Variants in NPAS3 observed in about 807,000 individuals in gnomAD.
The protein encoded by NPAS3 is neuronal PAS domain protein 3, also known as neuronal PAS domain-containing protein 3.
Under a neutral mutation model 73.1 loss-of-function variants are expected in NPAS3, and 14 were observed. The ratio of observed to expected loss-of-function variants is 0.19; its 90% confidence interval spans 0.13 to 0.30. The LOEUF (loss-of-function observed/expected upper bound fraction) is 0.30, where lower values mean the gene tolerates loss of function less well. NPAS3 is among the 10% of genes least tolerant of loss of function. The pLI is 1.00. For synonymous variants in NPAS3, 620 were observed against 541.5 expected (o/e 1.14, Z -2.01); for missense variants, 1,096 against 1,250.0 (o/e 0.88, Z 1.86).
At chr14:33,176,030 T>C (rs189024407) in intron 2 of NPAS3, among the ~76,000 whole-genome samples, 1 of 152,316 alleles carries the variant, frequency 6.6e-6, no homozygotes, top group Admixed American at 6.5e-5. Context: ...CATTCAATTT[T>C]ATTACATACC....
intron 6 of NPAS3, among the ~76,000 whole-genome samples, chr14:33,724,318 A>G (rs2061202275): frequency 6.6e-6 from 1 of 152,194 alleles, no homozygotes; most frequent in Non-Finnish European, 1.5e-5. Context: ...GTATTCAAAC[A>G]TAATCCATCC....
intron 3 of NPAS3, among the ~76,000 whole-genome samples, chr14:33,278,329 A>G (rs2041430991): frequency 6.6e-6 from 1 of 152,148 alleles, no homozygotes; most frequent in Non-Finnish European, 1.5e-5. Context: ...TGGCATTTAC[A>G]GTCAGAAGGC....
intron 2 of NPAS3, among the ~76,000 whole-genome samples, chr14:33,155,908 T>A (rs1007539013): frequency 6.6e-6 from 1 of 152,226 alleles, no homozygotes; most frequent in Non-Finnish European, 1.5e-5. Context: ...GAGACTACTC[T>A]CTCTTCAGAT....
chr14:33,240,505 C>T (rs189865991), intron 3 of NPAS3, among the ~76,000 whole-genome samples: 102 of 151,746 alleles, frequency 6.7e-4, no homozygotes, highest in Admixed American at 1.1e-3. Context: ...TGTCTGTGAA[C>T]GTTTAATTCA....
At chr14:33,295,739 G>T (rs1379616702) in intron 3 of NPAS3, among the ~76,000 whole-genome samples, 1 of 152,166 alleles carries the variant, frequency 6.6e-6, no homozygotes, top group Non-Finnish European at 1.5e-5. Context: ...AGTCCATAAG[G>T]AGTTATATCG....
chr14:33,726,482 G>A (rs1299469469), intron 6 of NPAS3, among the ~76,000 whole-genome samples: 3 of 152,104 alleles, frequency 2.0e-5, no homozygotes, highest in African/African-American at 7.2e-5. Context: ...TCATGAGCAC[G>A]GAGATGGGCG....
rs201719983 is a variant in NPAS3 at position 33,799,933 on chromosome 14, G to A, written c.1626G>A (p.Ala542=). The change falls in exon 12 of 12, where the codon GCG becomes GCA. Residue 542 remains alanine, a synonymous_variant. Transcript: ENST00000356141. ...ACTCGGACTTTGAGAACCCCAAGGC[G>A]GGCGAGGACGGCTTCGGTGCTCTGG... The A allele has an allele frequency of 1.7e-5, 27 of 1,614,118 alleles. No homozygotes were observed. The East Asian group carries it at 5.6e-4, about 33-fold the overall frequency.
At chr14:33,010,168 T>C (rs546126856) in intron 1 of NPAS3, among the ~76,000 whole-genome samples, 57 of 152,360 alleles carry the variant, frequency 3.7e-4, no homozygotes, top group African/African-American at 1.3e-3. Flanking sequence ...ACATTTATTC[T>C]ACTGGCTACA....
upstream of NPAS3, among the ~76,000 whole-genome samples, chr14:32,938,768 G>A (rs2035816198): frequency 6.7e-6 from 1 of 149,352 alleles, no homozygotes; most frequent in African/African-American, 2.4e-5. Flanking sequence ...GGCGGCGCGG[G>A]GGTGAGAACC....
chr14:33,436,178 A>G (rs1341763598), intron 4 of NPAS3, among the ~76,000 whole-genome samples: 1 of 152,192 alleles, frequency 6.6e-6, no homozygotes, highest in Non-Finnish European at 1.5e-5. Context: ...GGTGATTTCG[A>G]GAGGTGACTC....
chr14:33,443,236 A>C (rs1182104772), intron 4 of NPAS3, among the ~76,000 whole-genome samples: 1 of 152,164 alleles, frequency 6.6e-6, no homozygotes, highest in Non-Finnish European at 1.5e-5. Context: ...CATTATACTT[A>C]AAGGGAAAAT....
At chr14:33,354,654 A>G (rs962068701) in intron 3 of NPAS3, among the ~76,000 whole-genome samples, 8 of 152,016 alleles carry the variant, frequency 5.3e-5, no homozygotes, top group African/African-American at 1.9e-4. Context: ...ACCTCCCTTC[A>G]ACTTCCCATC....
intron 2 of NPAS3, among the ~76,000 whole-genome samples, chr14:33,098,476 C>T (rs1025371135): frequency 6.6e-6 from 1 of 152,086 alleles, no homozygotes; most frequent in Non-Finnish European, 1.5e-5. Flanking sequence ...GACACTTTGC[C>T]TAGTGATGTA....
At chr14:33,636,559 G>C (rs563450043) in intron 5 of NPAS3, among the ~76,000 whole-genome samples, 14 of 152,278 alleles carry the variant, frequency 9.2e-5, no homozygotes, top group Admixed American at 3.9e-4. Flanking sequence ...ACTCACTTAC[G>C]TGGTATGTGG....
At chr14:33,039,043 A>G (rs1219977040) in intron 1 of NPAS3, among the ~76,000 whole-genome samples, 8 of 152,218 alleles carry the variant, frequency 5.3e-5, no homozygotes, top group Non-Finnish European at 8.8e-5. Flanking sequence ...TCAGTATCCC[A>G]TGTGTGACAT....
At chr14:33,651,244 C>T (rs989285218) in intron 5 of NPAS3, among the ~76,000 whole-genome samples, 4 of 152,144 alleles carry the variant, frequency 2.6e-5, no homozygotes, top group Admixed American at 6.5e-5. Context: ...TGTACGGGGA[C>T]GTGCCACTCT....
chr14:33,149,140 T>G (rs2044354980), intron 2 of NPAS3, among the ~76,000 whole-genome samples: 1 of 152,154 alleles, frequency 6.6e-6, no homozygotes, highest in South Asian at 2.1e-4. Flanking sequence ...ATCTGAGACA[T>G]TTGTGACATG....
chr14:33,580,786 C>A (rs1387908287), intron 5 of NPAS3, among the ~76,000 whole-genome samples: 1 of 151,882 alleles, frequency 6.6e-6, no homozygotes, highest in African/African-American at 2.4e-5. Flanking sequence ...CCTCCCACAC[C>A]CACCCTCCAC....
chr14:33,446,871 A>G (rs938698319), intron 4 of NPAS3, among the ~76,000 whole-genome samples: 1 of 152,228 alleles, frequency 6.6e-6, no homozygotes, highest in African/African-American at 2.4e-5. Flanking sequence ...GTGTTTTCTA[A>G]TATGTTGATT....
Sources: allele counts gnomAD v4.1 joint callset (sites outside exome capture counted in the v4.1 genomes callset), GRCh38; gene constraint gnomAD v4.1.1; transcripts MANE v1.5; gene names NCBI Gene and HGNC (gene_info 2026-07-23, HGNC 2026-07-21).